The following TRMT61B variants were observed in gnomAD, a reference collection of about 807,000 sequenced individuals.
TRMT61B encodes the protein tRNA (adenine(58)-N(1))-methyltransferase, mitochondrial.
Under a neutral mutation model 52.0 loss-of-function variants are expected in TRMT61B, and 56 were observed. That is an observed-to-expected ratio of 1.08 (90% CI 0.87 to 1.35). The LOEUF (loss-of-function observed/expected upper bound fraction) is 1.35. TRMT61B is among the 40% of genes most tolerant of loss of function. TRMT61B has a pLI of 0.00. For synonymous variants in TRMT61B, 206 were observed against 220.0 expected (o/e 0.94, Z 0.56); for missense variants, 650 against 577.9 (o/e 1.12, Z -1.28).
At chr2:28,860,665 G>A (rs1669562994) in intron 3 of TRMT61B, among the ~76,000 whole-genome samples, 1 of 151,994 alleles carries the variant, frequency 6.6e-6, no homozygotes, top group African/African-American at 2.4e-5. Flanking sequence ...CTCTGTCCTC[G>A]ACATCTTCAA....
At chr2:28,852,602 GTATTTCATTTTT>G (rs1669170229) in intron 3 of TRMT61B, 103 bp from the exon 4 acceptor site, 1 of 720,898 alleles carries the variant, frequency 1.4e-6, no homozygotes, top group East Asian at 2.7e-5. Context: ...AGCAATCAAA[GTATTTCATTTTT>G]TAGAAGGTAG....
chr2:28,855,548 T>C (rs768093659), intron 3 of TRMT61B, among the ~76,000 whole-genome samples: 7 of 152,150 alleles, frequency 4.6e-5, no homozygotes, highest in Non-Finnish European at 1.0e-4. Flanking sequence ...CCAAAGTTTT[T>C]AGCCTAAGCC....
intron 1 of TRMT61B, among the ~76,000 whole-genome samples, chr2:28,865,672 C>CT (rs70958219): frequency 7.7e-3 from 620 of 80,044 alleles, no homozygotes; most frequent in East Asian, 0.025. Context: ...GATGAATTTC[C>CT]TTTTTTTTTT....
Position 28,860,268 on chromosome 2 carries a change from T to C in TRMT61B, c.993+850A>G, listed in dbSNP as rs1168425994. Among the ~76,000 whole-genome samples the C allele has an allele frequency of 8.0e-5, 4 of 50,012 alleles. No homozygotes were observed. The South Asian group carries it at 3.3e-3, about 41-fold the overall frequency. The allele number at this position is 50,012 out of a possible 152,430, so 32.8% of individuals were successfully genotyped here. On this transcript the variant is annotated intron_variant, in intron 3 of 6. Coordinates refer to ENST00000306108, the MANE Select transcript of TRMT61B (RefSeq NM_017910.4). ...CCCTAAGCAACAGAATGAGACTCTG[T>C]TGCCAAAAAAAAAAAAAAAAAAAAA...
intron 4 of TRMT61B, 51 bp downstream of exon 4, chr2:28,852,356 CA>C (rs1410986983): frequency 1.0e-6 from 1 of 970,516 alleles, no homozygotes; most frequent in Non-Finnish European, 1.5e-6. Flanking sequence ...GATACTTAAG[CA>C]AAAGTGCACT....
chr2:28,855,589 G>A (rs1012200334), intron 3 of TRMT61B, among the ~76,000 whole-genome samples: 1 of 152,188 alleles, frequency 6.6e-6, no homozygotes, highest in Non-Finnish European at 1.5e-5. Flanking sequence ...ATTTACTAAT[G>A]AGGAAAATGA....
Position 28,869,942 on chromosome 2 carries a change from G to A in TRMT61B, c.336C>T (p.Cys112=). The change falls in exon 1 of 7, where the codon TGC becomes TGT. Residue 112 remains cysteine (C), a synonymous_variant. Transcript: ENST00000306108. ...LEDSSGDQGR[C]GPTHQGSEDP... is the part of the protein sequence containing the mutation. ...CCTCGGATCCCTGGTGTGTGGGACC[G>A]CACCGGCCCTGGTCTCCGCTCGAGT... 1.2e-6 allele frequency: 2 copies of A among 1,613,706 alleles called. No individual in the cohort carries two copies. Among genetic ancestry groups the A allele is most frequent in the Non-Finnish European group, 8.5e-7 (1 of 1,179,974 alleles).
At chr2:28,865,568 G>A (rs1669802356) in intron 1 of TRMT61B, among the ~76,000 whole-genome samples, 1 of 151,900 alleles carries the variant, frequency 6.6e-6, no homozygotes, top group African/African-American at 2.4e-5. Context: ...ATTTTATGAG[G>A]ATTAATCTGG....
intron 2 of TRMT61B, among the ~76,000 whole-genome samples, chr2:28,863,367 GC>G (rs1207209433): frequency 1.3e-5 from 2 of 150,754 alleles, no homozygotes; most frequent in East Asian, 2.0e-4. Flanking sequence ...GAGGGTCAAG[GC>G]TGTAGTGAGC....
intron 3 of TRMT61B, among the ~76,000 whole-genome samples, chr2:28,859,849 C>T (rs1330604783): frequency 6.6e-6 from 1 of 152,082 alleles, no homozygotes; most frequent in Admixed American, 6.6e-5. Flanking sequence ...AGAGCTCTTT[C>T]CCCCTTATTG....
chr2:28,864,659 G>C lies in TRMT61B; in HGVS notation c.802+358C>G, dbSNP rs574640081. Among the ~76,000 whole-genome samples, 8 of 152,240 alleles carry C rather than the reference G, an allele frequency of 5.3e-5. No individual in the cohort carries two copies. In the South Asian group the frequency reaches 1.7e-3, roughly 32 times the overall value. On this transcript the variant is annotated intron_variant, in intron 2 of 6. Coordinates refer to ENST00000306108, the MANE Select transcript of TRMT61B (RefSeq NM_017910.4). ...CAGGGACACTCCCTACCTTGATCTCGGTAATAAGTACATGAGTGGTCACTA... is the reference window on the plus strand; with the variant it reads ...CAGGGACACTCCCTACCTTGATCTCCGTAATAAGTACATGAGTGGTCACTA...
chr2:28,865,144 A>C (rs1381155719), intron 1 of TRMT61B, 25 bp from the exon 2 acceptor site: 1 of 1,350,712 alleles, frequency 7.4e-7, no homozygotes, highest in East Asian at 2.3e-5. Context: ...AGTATGGGTG[A>C]CTCAGCGACC....
chr2:28,852,474 T>A lies in TRMT61B; in HGVS notation c.1019A>T (p.His340Leu). The A allele has an allele frequency of 2.5e-6, 4 of 1,612,204 alleles. No individual in the cohort carries two copies. The highest frequency in any genetic ancestry group is 4.5e-5 in the East Asian group (2 of 44,820). The change falls in exon 4 of 7, where the codon CAT becomes CTT. Residue 340 changes from histidine to leucine, a missense_variant. Physicochemically the swap from His to Leu is moderately conservative, Grantham distance 99 (BLOSUM62 -3). Coordinates refer to ENST00000306108, the MANE Select transcript of TRMT61B (RefSeq NM_017910.4). ...DAVALDMLNP[H>L]VTLPVFYPHL... Reference sequence around the variant, plus strand: ...TGGGTAAAAAACAGGCAAAGTAACATGAGGATTTAACATATCCAAAGCTAC... The same window carrying A: ...TGGGTAAAAAACAGGCAAAGTAACAAGAGGATTTAACATATCCAAAGCTAC...
intron 3 of TRMT61B, among the ~76,000 whole-genome samples, chr2:28,859,903 C>A (rs1268556468): frequency 1.3e-5 from 2 of 152,034 alleles, no homozygotes; most frequent in African/African-American, 2.4e-5. Flanking sequence ...GAACTGAGGT[C>A]TTTCTGTACA....
At chr2:28,859,002 C>G (rs1290468634) in intron 3 of TRMT61B, among the ~76,000 whole-genome samples, 1 of 150,890 alleles carries the variant, frequency 6.6e-6, no homozygotes, top group African/African-American at 2.4e-5. Context: ...TCAAGCGATT[C>G]TCCTGACTCG....
At chr2:28,858,244 G>A (rs1669432182) in intron 3 of TRMT61B, among the ~76,000 whole-genome samples, 1 of 151,954 alleles carries the variant, frequency 6.6e-6, no homozygotes, top group South Asian at 2.1e-4. Context: ...GTTTCACCAT[G>A]TTAGCCAGGA....
intron 3 of TRMT61B, 127 bp from the exon 4 acceptor site, chr2:28,852,626 A>C (rs1669171618): frequency 3.2e-6 from 2 of 634,670 alleles, no homozygotes; most frequent in Admixed American, 3.2e-5. Flanking sequence ...AGAAGGTAGT[A>C]TTATTAACTA....
At chr2:28,851,866 G>C (rs1333942572) in intron 4 of TRMT61B, among the ~76,000 whole-genome samples, 1 of 102,602 alleles carries the variant, frequency 9.7e-6, no homozygotes, top group Non-Finnish European at 1.8e-5. Flanking sequence ...GTGACAAAGC[G>C]AGACTCTGTC....
At position 28,869,813 on chromosome 2, in the gene TRMT61B, T is replaced by TCCCCAGTCTCAGCTAAAATCAGC; in HGVS notation, c.464_465insGCTGATTTTAGCTGAGACTGGGG (p.Glu163AspfsTer2). ...CCTCCCCAGTCTCAGCTAAAATCAG[T>TCCCCAGTCTCAGCTAAAATCAGC]TCCCCAGCCTGAAAGGGTCTCTCTC... On this transcript the variant is annotated frameshift_variant, in exon 1 of 7. Coordinates refer to ENST00000306108, the MANE Select transcript of TRMT61B (RefSeq NM_017910.4). LOFTEE classifies it high-confidence loss of function. The TCCCCAGTCTCAGCTAAAATCAGC allele has an allele frequency of 1.2e-6, 2 of 1,613,766 alleles. No individual in the cohort carries two copies. Among genetic ancestry groups the TCCCCAGTCTCAGCTAAAATCAGC allele is most frequent in the Non-Finnish European group, 1.7e-6 (2 of 1,179,890 alleles).
Sources: gnomAD v4.1 joint callset for allele counts (sites outside exome capture counted in the v4.1 genomes callset) on GRCh38, gnomAD v4.1.1 for gene constraint, MANE v1.5 for transcripts, NCBI Gene and HGNC (gene_info 2026-07-23, HGNC 2026-07-21) for gene names.